The following TBC1D2 variants were observed in gnomAD, a reference collection of about 807,000 sequenced individuals.
TBC1D2 encodes TBC1 domain family member 2, also known as TBC1 domain family member 2A.
TBC1D2 carries 58 observed loss-of-function variants against 91.1 expected under a neutral mutation model. That is an observed-to-expected ratio of 0.64 (90% CI 0.52 to 0.79). The LOEUF is 0.79. Ranked by LOEUF, TBC1D2 falls within the 30% of genes least tolerant of loss-of-function variation. TBC1D2 has a pLI of 0.00. For missense variants in TBC1D2, 1,080 were observed against 1,208.3 expected, an observed-to-expected ratio of 0.89 and a Z score of 1.57; for synonymous variants, 482 against 511.5, an observed-to-expected ratio of 0.94 and a Z score of 0.78.
chr9:98,203,706 C>T (rs984492435), intron 9 of TBC1D2, among the ~76,000 whole-genome samples: 2 of 152,270 alleles, frequency 1.3e-5, no homozygotes, highest in African/African-American at 4.8e-5. Context: ...GGGCAAGTTA[C>T]TGAACCCCTG....
Position 98,199,153 on chromosome 9 carries a change from A to G in TBC1D2, c.*228T>C. 5.0e-6 allele frequency: 3 copies of G among 603,592 alleles called. No individual in the cohort carries two copies. The highest frequency in any genetic ancestry group is 8.8e-4 in the Middle Eastern group (2 of 2,268). The allele number at this position is 603,592 out of a possible 1,614,324, so 37.4% of individuals were successfully genotyped here. A position where few individuals can be genotyped will look rare whatever the true frequency, so the allele number is the denominator to read the frequency against. On this transcript the variant is annotated 3_prime_UTR_variant, in exon 13 of 13. Transcript: ENST00000465784. ...AAGTGCTCTGTGGAAGAGGTGACGA[A>G]AGGGTGGCATCCCTGGGTAAGTAAG...
chr9:98,233,974 A>G (rs975519943), intron 3 of TBC1D2, among the ~76,000 whole-genome samples: 10 of 152,246 alleles, frequency 6.6e-5, no homozygotes, highest in African/African-American at 2.4e-4. Flanking sequence ...CGAAACCTTC[A>G]TCTGGTTTCA....
chr9:98,221,297 G>A (rs1829097044), intron 5 of TBC1D2, 69 bp from the exon 6 acceptor site: 1 of 1,453,368 alleles, frequency 6.9e-7, no homozygotes, highest in Non-Finnish European at 9.1e-7. Context: ...TGGGGTATAT[G>A]TTATCAGTAG....
At chr9:98,213,862 G>A (rs935955643) in intron 6 of TBC1D2, among the ~76,000 whole-genome samples, 8 of 152,154 alleles carry the variant, frequency 5.3e-5, no homozygotes, top group Non-Finnish European at 7.4e-5. Context: ...ATAATGCTGT[G>A]ATAAACATCT....
chr9:98,221,376 CCTT>C lies in TBC1D2; in HGVS notation c.979-151_979-149del, dbSNP rs1230848010. 6 of 1,048,978 alleles carry C rather than the reference CCTT, an allele frequency of 5.7e-6. No individual in the cohort carries two copies. The East Asian group carries it at 7.9e-5, about 14-fold the overall frequency. The allele number at this position is 1,048,978 out of a possible 1,614,324, so 65.0% of individuals were successfully genotyped here. ...CATCTCATCCTGACACTCACTTTCTCCTTCTCTGTTCAAGTGACTGTTAGCTGG... is the reference window on the plus strand; with the variant it reads ...CATCTCATCCTGACACTCACTTTCTCCTCTGTTCAAGTGACTGTTAGCTGG... On this transcript the variant is annotated intron_variant, in intron 5 of 12. Transcript: ENST00000465784.
At chr9:98,226,394 C>T (rs189379844) in intron 5 of TBC1D2, among the ~76,000 whole-genome samples, 48 of 152,154 alleles carry the variant, frequency 3.2e-4, no homozygotes, top group Non-Finnish European at 5.1e-4. Flanking sequence ...GCAGTAATCG[C>T]CAGAACAACC....
At chr9:98,238,951 G>A (rs1380850806) in intron 3 of TBC1D2, among the ~76,000 whole-genome samples, 2 of 152,092 alleles carry the variant, frequency 1.3e-5, no homozygotes, top group Non-Finnish European at 2.9e-5. Flanking sequence ...TCAAACTCCT[G>A]ACCTCAGGTG....
At chr9:98,214,838 G>T (rs28564406) in intron 6 of TBC1D2, among the ~76,000 whole-genome samples, 11,154 of 152,166 alleles carry the variant, frequency 0.073, 477 homozygotes, top group African/African-American at 0.11. Flanking sequence ...TGCTCCCAGG[G>T]GAGGGAACGA....
rs1828644617 is a variant in TBC1D2 at position 98,206,015 on chromosome 9, A to C, written c.2151-2607T>G. Reference sequence around the variant, plus strand: ...GTAACTTTCTCTTTTTTCGAGATGGAGTCTTGCTCTGTCACCAGGCTGGAG... The same window carrying C: ...GTAACTTTCTCTTTTTTCGAGATGGCGTCTTGCTCTGTCACCAGGCTGGAG... On this transcript the variant is annotated intron_variant, in intron 9 of 12. Coordinates refer to ENST00000465784, the MANE Select transcript of TBC1D2 (RefSeq NM_001267571.2). 1.3e-5 allele frequency among the ~76,000 whole-genome samples: 2 copies of C among 151,870 alleles called. 1 individual carries two copies. Among genetic ancestry groups the C allele is most frequent in the South Asian group, 4.1e-4 (2 of 4,824 alleles).
In TBC1D2 at chr9:98,228,241, G is replaced by GCTCC. The variant is rs1829281880; in HGVS notation, c.978+707_978+710dup. On this transcript the variant is annotated intron_variant, in intron 5 of 12. Coordinates refer to ENST00000465784, the MANE Select transcript of TBC1D2 (RefSeq NM_001267571.2). This position sits in a 1 kb window ranked among gnomAD's most constrained non-coding sequence, Gnocchi z 4.0. ...GTCGCTTTTATCACTCTAAAGAGGG[G>GCTCC]CTCCCGCCCGGAGCTGCAGCCCTCT... 6.6e-6 allele frequency among the ~76,000 whole-genome samples: 1 copy of GCTCC among 152,198 alleles called. No individual in the cohort carries two copies. Among genetic ancestry groups the GCTCC allele is most frequent in the Admixed American group, 6.5e-5 (1 of 15,280 alleles).
chr9:98,221,152 G>A lies in TBC1D2; in HGVS notation c.1055C>T (p.Ala352Val), dbSNP rs1434988683. 3.8e-6 allele frequency: 6 copies of A among 1,576,322 alleles called. No homozygotes were observed. Among genetic ancestry groups the A allele is most frequent in the African/African-American group, 1.4e-5 (1 of 74,008 alleles). Residue 352 changes from alanine (A) to valine (V), a missense_variant, in exon 6 of 13, where the codon GCG (alanine) becomes GTG (valine). Ala to Val is a moderately conservative substitution (Grantham distance 64). Transcript: ENST00000465784. Reference sequence around the variant, plus strand: ...CTCCAGCCGGTCCTTGTCCTCAGCCGCCGCCAGGTATGCGCTGGACGCCCG... The same window carrying A: ...CTCCAGCCGGTCCTTGTCCTCAGCCACCGCCAGGTATGCGCTGGACGCCCG... Reference protein sequence around the residue: ...EKRASSAYLAAAEDKDRLELV... With the variant: ...EKRASSAYLAVAEDKDRLELV...
At chr9:98,218,255 T>C (rs974214813) in intron 6 of TBC1D2, among the ~76,000 whole-genome samples, 1 of 152,106 alleles carries the variant, frequency 6.6e-6, no homozygotes, top group Admixed American at 6.5e-5. Flanking sequence ...AGTCTCCATG[T>C]AGCTGAGCTC....
chr9:98,203,217 C>T lies in TBC1D2; in HGVS notation c.2271+71G>A. ...AGAGATTCCCAACTTTCCTGAGAGT[C>T]ACAGGCTTCTAGGAACAGCTCTGGG... On this transcript the variant is annotated intron_variant, in intron 10 of 12. Coordinates refer to ENST00000465784, the MANE Select transcript of TBC1D2 (RefSeq NM_001267571.2). 3 of 1,576,982 alleles carry T rather than the reference C, an allele frequency of 1.9e-6. No individual in the cohort carries two copies. In the Admixed American group the frequency reaches 5.4e-5, roughly 29 times the overall value.
intron 9 of TBC1D2, 92 bp from the exon 10 acceptor site, chr9:98,203,500 A>T (rs1588027407): frequency 9.0e-6 from 14 of 1,549,372 alleles, no homozygotes; most frequent in Non-Finnish European, 1.2e-5. Flanking sequence ...TTCCAGGGGG[A>T]AAGTCCTTCC....
intron 2 of TBC1D2, among the ~76,000 whole-genome samples, chr9:98,246,506 A>G (rs1829767040): frequency 6.6e-6 from 1 of 152,144 alleles, no homozygotes; most frequent in African/African-American, 2.4e-5. Flanking sequence ...CTCACCAAAC[A>G]CAGACTGGGT....
At position 98,221,083 on chromosome 9, in the gene TBC1D2, C is replaced by T. The variant is rs1829088537; in HGVS notation, c.1124G>A (p.Arg375Gln). ...KVRQIAELGR[R>Q]VEALEQERES... ...CCGCTCCTGCTCCAGGGCCTCCACCCGCCGGCCCAGCTCCGCGATCTGCCG... is the reference window on the plus strand; with the variant it reads ...CCGCTCCTGCTCCAGGGCCTCCACCTGCCGGCCCAGCTCCGCGATCTGCCG... The change falls in exon 6 of 13, where the codon CGG (arginine) becomes CAG (glutamine). Residue 375 changes from arginine to glutamine, a missense_variant. Physicochemically the swap from Arg to Gln is conservative, Grantham distance 43. Coordinates refer to ENST00000465784, the MANE Select transcript of TBC1D2 (RefSeq NM_001267571.2). The T allele has an allele frequency of 6.8e-6, 11 of 1,609,080 alleles. No homozygotes were observed. The highest frequency in any genetic ancestry group is 1.3e-5 in the African/African-American group (1 of 74,860).
intron 3 of TBC1D2, among the ~76,000 whole-genome samples, chr9:98,243,052 T>C (rs889160970): frequency 1.3e-5 from 2 of 151,784 alleles, no homozygotes; most frequent in Non-Finnish European, 2.9e-5. Flanking sequence ...AGTGTTGCAA[T>C]TACAGGCATG....
At chr9:98,211,319 A>G (rs186803580) in intron 7 of TBC1D2, among the ~76,000 whole-genome samples, 2 of 152,254 alleles carry the variant, frequency 1.3e-5, no homozygotes, top group Non-Finnish European at 2.9e-5. Flanking sequence ...GTATGACTGA[A>G]CAGCGCCCAG....
chr9:98,220,967 T>C lies in TBC1D2; in HGVS notation c.1240A>G (p.Lys414Glu), dbSNP rs761183129. The C allele has an allele frequency of 1.9e-6, 3 of 1,614,178 alleles. No individual in the cohort carries two copies. The Admixed American group carries it at 5.0e-5, about 27-fold the overall frequency. The change falls in exon 6 of 13, where the codon AAG becomes GAG. Residue 414 changes from lysine to glutamate, a missense_variant. Transcript: ENST00000465784. ...VQLLMDKNHA[K>E]QQVICKLSEK... The stretch of plus-strand genomic sequence containing the variant: ...GAGAGCTTGCAGATGACCTGCTGCT[T>C]GGCGTGGTTCTTGTCCATAAGCAGC...
Sources: allele counts gnomAD v4.1 joint callset (sites outside exome capture counted in the v4.1 genomes callset), GRCh38; gene constraint gnomAD v4.1.1; non-coding constraint Gnocchi (gnomAD v3.1); transcripts MANE v1.5; gene names NCBI Gene and HGNC (gene_info 2026-07-23, HGNC 2026-07-21).